The following ST18 variants were observed in gnomAD, a reference collection of about 807,000 sequenced individuals.
ST18 encodes the protein suppression of tumorigenicity 18 protein.
Under a neutral mutation model 110.0 loss-of-function variants are expected in ST18, and 50 were observed. The observed-to-expected ratio is 0.45, with a 90% CI of 0.36 to 0.58. The LOEUF is 0.58. Among genes scored for constraint, ST18 ranks in the 20% least tolerant of loss-of-function variants. The pLI, the probability that ST18 is intolerant of heterozygous loss-of-function variation, is 0.00. For synonymous variants in ST18, 461 were observed against 452.4 expected (o/e 1.02, Z -0.24); for missense variants, 1,306 against 1,280.1 (o/e 1.02, Z -0.31).
rs1319796448 is a variant in ST18, at chr8:52,357,704, T to C, written c.-465+51624A>G. 1.8e-5 allele frequency among the ~76,000 whole-genome samples: 2 copies of C among 113,904 alleles called. 1 individual carries two copies. 74.7% of individuals were successfully genotyped at this position (113,904 alleles called of 152,430 possible). On this transcript the variant is annotated intron_variant, in intron 2 of 25. Coordinates refer to ENST00000689386, the MANE Select transcript of ST18 (RefSeq NM_001352837.2). ...ATATATATATATATATATATATATA[T>C]ATATATATATATATATATATATATA...
intron 2 of ST18, among the ~76,000 whole-genome samples, chr8:52,247,165 A>AT (rs1388539815): frequency 6.6e-6 from 1 of 152,226 alleles, no homozygotes; most frequent in Non-Finnish European, 1.5e-5. Context: ...TATTTGTTAA[A>AT]TGAGTGAATC....
chr8:52,270,850 C>T (rs1179532348), intron 2 of ST18, among the ~76,000 whole-genome samples: 1 of 151,466 alleles, frequency 6.6e-6, no homozygotes, highest in African/African-American at 2.4e-5. Flanking sequence ...GAATTGTGCA[C>T]TTTAAGTGGG....
chr8:52,166,272 C>T (rs1164096854), intron 11 of ST18, among the ~76,000 whole-genome samples: 1 of 152,198 alleles, frequency 6.6e-6, no homozygotes, highest in African/African-American at 2.4e-5. Context: ...AGCCAATTCC[C>T]AGAGAGAATG....
intron 4 of ST18, among the ~76,000 whole-genome samples, chr8:52,221,081 C>A (rs978548682): frequency 8.5e-5 from 10 of 117,008 alleles, no homozygotes; most frequent in African/African-American, 3.3e-4. Flanking sequence ...ACCAAACTAC[C>A]TATCTCTATC....
chr8:52,353,369 A>G (rs187185462), intron 2 of ST18, among the ~76,000 whole-genome samples: 76 of 152,356 alleles, frequency 5.0e-4, no homozygotes, highest in African/African-American at 1.7e-3. Context: ...CCTGTGGCAA[A>G]TAATATTTTT....
intron 2 of ST18, among the ~76,000 whole-genome samples, chr8:52,401,226 C>T (rs185021625): frequency 6.6e-6 from 1 of 152,056 alleles, no homozygotes; most frequent in Non-Finnish European, 1.5e-5. Flanking sequence ...TGTCATTTGA[C>T]ATTTTTCTCT....
At chr8:52,203,912 C>T (rs991580041) in intron 8 of ST18, among the ~76,000 whole-genome samples, 2 of 152,148 alleles carry the variant, frequency 1.3e-5, no homozygotes, top group African/African-American at 2.4e-5. Context: ...TGGAATTTGA[C>T]GGAGACTTCA....
chr8:52,259,662 C>T (rs1374206029), intron 2 of ST18, among the ~76,000 whole-genome samples: 1 of 152,152 alleles, frequency 6.6e-6, no homozygotes, highest in Non-Finnish European at 1.5e-5. Context: ...ATGCCATGCG[C>T]TGTTCTGAGT....
intron 2 of ST18, among the ~76,000 whole-genome samples, chr8:52,357,710 TATATATATA>T (rs1823629507): frequency 1.3e-5 from 1 of 76,126 alleles, no homozygotes; most frequent in Admixed American, 1.2e-4. Context: ...TATATATATA[TATATATATA>T]TATATATATA....
chr8:52,197,839 C>T (rs1202335679), intron 8 of ST18, among the ~76,000 whole-genome samples: 5 of 151,486 alleles, frequency 3.3e-5, no homozygotes, highest in African/African-American at 7.3e-5. Flanking sequence ...AGGGCAGACA[C>T]GAGAATAGAA....
chr8:52,395,072 A>G (rs1267132163), intron 2 of ST18, among the ~76,000 whole-genome samples: 2 of 152,198 alleles, frequency 1.3e-5, no homozygotes, highest in South Asian at 2.1e-4. Flanking sequence ...GAAAAATTCT[A>G]TCAGAGAAAG....
intron 2 of ST18, among the ~76,000 whole-genome samples, chr8:52,336,296 CG>C (rs1812030590): frequency 6.6e-6 from 1 of 151,992 alleles, no homozygotes; most frequent in Admixed American, 6.6e-5. Flanking sequence ...ATTACAGGTG[CG>C]CACCACCACA....
At chr8:52,345,480 CT>C (rs1473525577) in intron 2 of ST18, among the ~76,000 whole-genome samples, 1 of 152,228 alleles carries the variant, frequency 6.6e-6, no homozygotes, top group Non-Finnish European at 1.5e-5. Context: ...CCAGAAGGTT[CT>C]GTTAAGAGGC....
rs149317223 is a variant in ST18 at position 52,324,938 on chromosome 8, G to A, written c.-465+84390C>T. ...CAATCAAGACCTCCTGTGAAACCCCGCTGGGAAATAAGTTTGGAAAAATAA... is the reference window on the plus strand; with the variant it reads ...CAATCAAGACCTCCTGTGAAACCCCACTGGGAAATAAGTTTGGAAAAATAA... On this transcript the variant is annotated intron_variant, in intron 2 of 25. Coordinates refer to ENST00000689386, the MANE Select transcript of ST18 (RefSeq NM_001352837.2). 4.1e-3 allele frequency among the ~76,000 whole-genome samples: 623 copies of A among 152,268 alleles called. 3 individuals carry two copies. Among genetic ancestry groups the A allele is most frequent in the Non-Finnish European group, 4.4e-3 (297 of 68,030 alleles).
rs746566336 is a variant in ST18, at chr8:52,116,341, C to T, written c.2937G>A (p.Leu979=). 2.9e-5 allele frequency: 46 copies of T among 1,613,924 alleles called. No individual in the cohort carries two copies. The highest frequency in any genetic ancestry group is 2.2e-5 in the East Asian group (1 of 44,882). Residue 979 remains leucine, a synonymous_variant, in exon 25 of 26, where the codon CTG becomes CTA. Coordinates refer to ENST00000689386, the MANE Select transcript of ST18 (RefSeq NM_001352837.2). Reference sequence around the variant, plus strand: ...CTTGGCTTAGACCTGCCAGCTCTTTCAGCAGACTTTCATTGTTCTGTTCTA... The same window carrying T: ...CTTGGCTTAGACCTGCCAGCTCTTTTAGCAGACTTTCATTGTTCTGTTCTA... ...KLIEQNNESL[L]KELAGLSQAL...
chr8:52,330,272 G>A (rs760313180), intron 2 of ST18, among the ~76,000 whole-genome samples: 22 of 152,140 alleles, frequency 1.4e-4, no homozygotes, highest in Non-Finnish European at 2.9e-4. Flanking sequence ...TAAAGTACAC[G>A]AGAGGGTCAC....
intron 2 of ST18, among the ~76,000 whole-genome samples, chr8:52,291,825 A>G (rs1270369509): frequency 6.6e-6 from 1 of 152,066 alleles, no homozygotes; most frequent in Admixed American, 6.5e-5. Flanking sequence ...CCCAGGCAGG[A>G]GTGCCGTGGC....
chr8:52,145,369 G>A (rs1373461467), intron 16 of ST18, among the ~76,000 whole-genome samples: 3 of 152,000 alleles, frequency 2.0e-5, no homozygotes, highest in Non-Finnish European at 2.9e-5. Context: ...TATTGCATAC[G>A]ACCTTTTAAA....
rs376858481 is a variant in ST18, at chr8:52,149,755, C to T, written c.2029G>A (p.Gly677Arg). The change falls in exon 16 of 26, where the codon GGG becomes AGG. Residue 677 changes from glycine to arginine, a missense_variant. Transcript: ENST00000689386. ...ACCTCTTTCTCCTCCTCTGTCTTCC[C>T]GTGAGTTTTGCTATAGTTGATAGGA... Reference protein sequence around the residue: ...DTPINYSKTHGKTEEEKEKDP... With the variant: ...DTPINYSKTHRKTEEEKEKDP... 3.2e-5 allele frequency: 52 copies of T among 1,614,002 alleles called. No individual in the cohort carries two copies. Among genetic ancestry groups the T allele is most frequent in the African/African-American group, 4.0e-5 (3 of 75,046 alleles).
Sources: allele counts gnomAD v4.1 joint callset (sites outside exome capture counted in the v4.1 genomes callset), GRCh38; gene constraint gnomAD v4.1.1; transcripts MANE v1.5; gene names NCBI Gene and HGNC (gene_info 2026-07-23, HGNC 2026-07-21).